SLC25A23: variants seen among roughly 807,000 people sequenced by gnomAD.
SLC25A23 encodes the protein mitochondrial adenyl nucleotide antiporter SLC25A23.
Under a neutral mutation model 53.9 loss-of-function variants are expected in SLC25A23, and 32 were observed. The ratio of observed to expected loss-of-function variants is 0.59; its 90% confidence interval spans 0.45 to 0.80. The LOEUF is 0.80. Ranked by LOEUF, SLC25A23 falls within the 30% of genes least tolerant of loss-of-function variation. The pLI, the probability that SLC25A23 is intolerant of heterozygous loss-of-function variation, is 0.00. For synonymous variants in SLC25A23, 275 were observed against 264.5 expected (o/e 1.04, Z -0.38); for missense variants, 575 against 651.4 (o/e 0.88, Z 1.28).
In SLC25A23 at chr19:6,459,554, C is replaced by G. The variant is rs1292294173; in HGVS notation, c.75G>C (p.Lys25Asn). ...ACTCGTGCACGTCCACGCGGCCATCCTTGTTACTGTCCAGCTCCTCGAACA... is the reference window on the plus strand; with the variant it reads ...ACTCGTGCACGTCCACGCGGCCATCGTTGTTACTGTCCAGCTCCTCGAACA... ...GRLFEELDSN[K>N]DGRVDVHELR... The change falls in exon 1 of 10, where the codon AAG (lysine) becomes AAC (asparagine). Residue 25 changes from lysine (K) to asparagine (N), a missense_variant. Lys to Asn is a moderately conservative substitution (Grantham distance 94). Coordinates refer to ENST00000301454, the MANE Select transcript of SLC25A23 (RefSeq NM_024103.3). This position sits in a 1 kb window ranked among gnomAD's most constrained non-coding sequence, Gnocchi z 4.6. The G allele has an allele frequency of 1.3e-6, 2 of 1,598,640 alleles. No individual in the cohort carries two copies. Among genetic ancestry groups the G allele is most frequent in the South Asian group, 1.1e-5 (1 of 90,204 alleles).
chr19:6,450,817 C>T (rs751190721), intron 8 of SLC25A23, among the ~76,000 whole-genome samples: 35 of 152,154 alleles, frequency 2.3e-4, no homozygotes, highest in African/African-American at 8.4e-4. Context: ...TGGTGGCTCA[C>T]ACCTGTCATC....
In SLC25A23 at chr19:6,459,687, G is replaced by A; in HGVS notation, c.-59C>T. ...GCGGCGGCCTCAGTGGGGGCTTCGC[G>A]GCTCCCCCTCCCCCCCCGGGACCCC... On this transcript the variant is annotated 5_prime_UTR_variant, in exon 1 of 10. Transcript: ENST00000301454. This position sits in a 1 kb window ranked among gnomAD's most constrained non-coding sequence, Gnocchi z 4.6. The A allele has an allele frequency of 1.6e-6, 2 of 1,240,638 alleles. No individual in the cohort carries two copies. Among genetic ancestry groups the A allele is most frequent in the African/African-American group, 1.6e-5 (1 of 63,406 alleles). 76.9% of individuals were successfully genotyped at this position (1,240,638 alleles called of 1,614,324 possible). A position where few individuals can be genotyped will look rare whatever the true frequency, so the allele number is the denominator to read the frequency against.
At chr19:6,446,064 G>A (rs2092499624) in intron 8 of SLC25A23, among the ~76,000 whole-genome samples, 1 of 149,026 alleles carries the variant, frequency 6.7e-6, no homozygotes, top group Non-Finnish European at 1.5e-5. Context: ...GTGAGACTCA[G>A]TATCAAAAAG....
chr19:6,457,629 G>A (rs771242907), intron 2 of SLC25A23, 39 bp from the exon 3 acceptor site: 1 of 1,571,690 alleles, frequency 6.4e-7, no homozygotes, highest in Non-Finnish European at 8.8e-7. Context: ...ATGTGCGTGT[G>A]AGGACACCTG....
chr19:6,458,850 A>C (rs2092719320), intron 1 of SLC25A23, among the ~76,000 whole-genome samples: 1 of 152,112 alleles, frequency 6.6e-6, no homozygotes, highest in Middle Eastern at 3.2e-3. Context: ...GACTGCTCTC[A>C]GGGTTGCTGT....
intron 3 of SLC25A23, 137 bp downstream of exon 3, chr19:6,457,366 C>T: frequency 1.3e-6 from 1 of 755,976 alleles, no homozygotes; most frequent in East Asian, 2.7e-5. Flanking sequence ...TGCGCCTGGC[C>T]AGATCTGTCT....
chr19:6,444,081 C>T, intron 9 of SLC25A23, 70 bp downstream of exon 9: 1 of 1,444,344 alleles, frequency 6.9e-7, no homozygotes, highest in Non-Finnish European at 9.2e-7. Context: ...CAGCCCAGGG[C>T]TCTACTTGGG....
intron 8 of SLC25A23, among the ~76,000 whole-genome samples, chr19:6,451,470 A>T (rs1372886168): frequency 1.3e-5 from 2 of 152,244 alleles, no homozygotes; most frequent in Non-Finnish European, 2.9e-5. Flanking sequence ...CCTTCCGAGC[A>T]TGGGGCTCTC....
intron 2 of SLC25A23, among the ~76,000 whole-genome samples, chr19:6,457,822 GA>G (rs2092702618): frequency 2.0e-5 from 3 of 151,890 alleles, no homozygotes; most frequent in African/African-American, 7.3e-5. Context: ...ATGAATGAAG[GA>G]ATCCAGGGGT....
chr19:6,451,540 G>C (rs2092590985), intron 8 of SLC25A23, among the ~76,000 whole-genome samples: 1 of 152,172 alleles, frequency 6.6e-6, no homozygotes, highest in Non-Finnish European at 1.5e-5. Context: ...AAAGATTTTG[G>C]GGGGAACGCT....
chr19:6,451,494 G>T (rs374718906), intron 8 of SLC25A23, among the ~76,000 whole-genome samples: 3 of 152,214 alleles, frequency 2.0e-5, no homozygotes, highest in Non-Finnish European at 4.4e-5. Flanking sequence ...GACTTCACAG[G>T]TCACATGCCC....
chr19:6,454,953 C>T lies in SLC25A23; in HGVS notation c.484-236G>A, dbSNP rs2092656500. Among the ~76,000 whole-genome samples the T allele has an allele frequency of 6.6e-6, 1 of 152,168 alleles. No homozygotes were observed. The highest frequency in any genetic ancestry group is 2.4e-5 in the African/African-American group (1 of 41,446). On this transcript the variant is annotated intron_variant, in intron 4 of 9. Transcript: ENST00000301454. The surrounding 1 kb of genome is among the most constrained non-coding windows in gnomAD (Gnocchi z 4.3). The stretch of plus-strand genomic sequence containing the variant: ...CTACTAAATCCCACCAAAGGATCTG[C>T]CAAATCCCACTAAAGGATCCTATTC...
In SLC25A23 at chr19:6,454,356, G is replaced by C; in HGVS notation, c.762C>G (p.Pro254=). The change falls in exon 6 of 10, where the codon CCC becomes CCG. Residue 254 remains proline, a synonymous_variant. Coordinates refer to ENST00000301454, the MANE Select transcript of SLC25A23 (RefSeq NM_024103.3). The surrounding 1 kb of genome is among the most constrained non-coding windows in gnomAD (Gnocchi z 4.3). The stretch of plus-strand genomic sequence containing the variant: ...AGGCCATGAACTTGATAGCTGACTC[G>C]GGGGCAATCTTGAGTACATTAATAC... The part of the protein sequence containing the change: ...GNGINVLKIA[P]ESAIKFMAYE... 6.2e-7 allele frequency: 1 copy of C among 1,614,070 alleles called. No homozygotes were observed. The highest frequency in any genetic ancestry group is 8.5e-7 in the Non-Finnish European group (1 of 1,179,994).
rs145406194 is a variant in SLC25A23 at position 6,441,635 on chromosome 19, A to G, written c.*340T>C. 4.2e-3 allele frequency: 1,328 copies of G among 313,624 alleles called. 19 individuals are homozygous for G. The highest frequency in any genetic ancestry group is 0.027 in the African/African-American group (1,237 of 45,546). The allele number at this position is 313,624 out of a possible 1,614,324, so 19.4% of individuals were successfully genotyped here. On this transcript the variant is annotated 3_prime_UTR_variant, in exon 10 of 10. Coordinates refer to ENST00000301454, the MANE Select transcript of SLC25A23 (RefSeq NM_024103.3). ...GGATCCAGTGATTTGGGGGATGGGGATTAAGGGCTGGGGTGTGGATAATCT... is the reference window on the plus strand; with the variant it reads ...GGATCCAGTGATTTGGGGGATGGGGGTTAAGGGCTGGGGTGTGGATAATCT...
In SLC25A23 at chr19:6,459,322, C is replaced by T; in HGVS notation, c.156+151G>A. The stretch of plus-strand genomic sequence containing the variant: ...TCTTGAGCGATCCCGTTAGGCCAAA[C>T]ACGAGTGGGTAGGGGGAACGAGACA... On this transcript the variant is annotated intron_variant, in intron 1 of 9. Coordinates refer to ENST00000301454, the MANE Select transcript of SLC25A23 (RefSeq NM_024103.3). The surrounding 1 kb of genome is among the most constrained non-coding windows in gnomAD (Gnocchi z 4.6). The T allele has an allele frequency of 1.6e-6, 1 of 639,560 alleles. No homozygotes were observed. The highest frequency in any genetic ancestry group is 2.4e-6 in the Non-Finnish European group (1 of 414,104). 39.6% of individuals were successfully genotyped at this position (639,560 alleles called of 1,614,324 possible).
chr19:6,448,913 A>C (rs1327941251), intron 8 of SLC25A23, among the ~76,000 whole-genome samples: 1 of 151,558 alleles, frequency 6.6e-6, no homozygotes, highest in Non-Finnish European at 1.5e-5. Context: ...AATCCCAGCT[A>C]CTCGGCAGGC....
Position 6,452,440 on chromosome 19 carries a change from A to G in SLC25A23, c.943T>C (p.Tyr315His). ...TRLTLRRTGQ[Y>H]KGLLDCARRI... Reference sequence around the variant, plus strand: ...CTGGCGCAGTCCAGCAGCCCCTTATACTGGCCCGTCCGGCGCAAGGTCAGC... The same window carrying G: ...CTGGCGCAGTCCAGCAGCCCCTTATGCTGGCCCGTCCGGCGCAAGGTCAGC... Residue 315 changes from tyrosine to histidine, a missense_variant, in exon 8 of 10, where the codon TAT becomes CAT. Physicochemically the swap from Tyr to His is moderately conservative, Grantham distance 83. Coordinates refer to ENST00000301454, the MANE Select transcript of SLC25A23 (RefSeq NM_024103.3). The G allele has an allele frequency of 6.2e-7, 1 of 1,613,122 alleles. No individual in the cohort carries two copies. The highest frequency in any genetic ancestry group is 8.5e-7 in the Non-Finnish European group (1 of 1,179,412).
At chr19:6,451,046 C>T (rs555653753) in intron 8 of SLC25A23, among the ~76,000 whole-genome samples, 3 of 150,032 alleles carry the variant, frequency 2.0e-5, no homozygotes, top group Middle Eastern at 3.5e-3. Flanking sequence ...CCACTGCATT[C>T]CAGCCTGGGC....
In SLC25A23 at chr19:6,454,634, C is replaced by A; in HGVS notation, c.567G>T (p.Leu189=). 6.2e-7 allele frequency: 1 copy of A among 1,614,080 alleles called. No homozygotes were observed. Among genetic ancestry groups the A allele is most frequent in the Non-Finnish European group, 8.5e-7 (1 of 1,180,040 alleles). ...CGGCACCTGCCACTGCGCCGGCCAC[C>A]AGCTGTTTCCACCACATGCCCGTCA... ...EKLTGMWWKQ[L]VAGAVAGAVS... The change falls in exon 5 of 10, where the codon CTG becomes CTT. Residue 189 remains leucine (L), a synonymous_variant. Coordinates refer to ENST00000301454, the MANE Select transcript of SLC25A23 (RefSeq NM_024103.3). The surrounding 1 kb of genome is among the most constrained non-coding windows in gnomAD (Gnocchi z 4.3).
Sources: gnomAD v4.1 joint callset for allele counts (sites outside exome capture counted in the v4.1 genomes callset) on GRCh38, gnomAD v4.1.1 for gene constraint, Gnocchi (gnomAD v3.1) non-coding constraint, MANE v1.5 for transcripts, NCBI Gene and HGNC (gene_info 2026-07-23, HGNC 2026-07-21) for gene names.